The following TSPAN2 variants were observed in gnomAD, a reference collection of about 807,000 sequenced individuals.
TSPAN2 encodes the protein tetraspanin-2.
Under a neutral mutation model 33.3 loss-of-function variants are expected in TSPAN2, and 24 were observed. The ratio of observed to expected loss-of-function variants is 0.72; its 90% CI spans 0.52 to 1.01. TSPAN2 has a LOEUF of 1.01. Ranked by LOEUF, TSPAN2 falls within the 50% of genes least tolerant of loss-of-function variation. TSPAN2 has a pLI of 0.00. For missense variants in TSPAN2, 278 were observed against 281.3 expected (o/e 0.99, Z 0.08); for synonymous variants, 114 against 104.5 (o/e 1.09, Z -0.56).
intron 1 of TSPAN2, among the ~76,000 whole-genome samples, chr1:115,085,243 A>G (rs935126331): frequency 6.6e-6 from 1 of 152,218 alleles, no homozygotes; most frequent in African/African-American, 2.4e-5. Flanking sequence ...CCACGATAAG[A>G]GAAATTAATG....
At chr1:115,055,933 C>G (rs1243312843) in intron 6 of TSPAN2, among the ~76,000 whole-genome samples, 2 of 152,166 alleles carry the variant, frequency 1.3e-5, no homozygotes, top group Non-Finnish European at 2.9e-5. Flanking sequence ...ATGTAATGAG[C>G]ATGATTTGCA....
intron 1 of TSPAN2, among the ~76,000 whole-genome samples, chr1:115,075,154 A>G (rs918069253): frequency 1.3e-5 from 2 of 152,218 alleles, no homozygotes; most frequent in Admixed American, 1.3e-4. Flanking sequence ...CCTCCCAGAC[A>G]GAATACATTT....
At chr1:115,089,299 A>ACCCTGGCCCCGCGGCCCCCC in intron 1 of TSPAN2, 65 bp downstream of exon 1, 1 of 1,401,340 alleles carries the variant, frequency 7.1e-7, no homozygotes, top group Non-Finnish European at 9.6e-7. Flanking sequence ...CAGCTCGGGG[A>ACCCTGGCCCCGCGGCCCCCC]CCCCGGCCCC....
intron 1 of TSPAN2, among the ~76,000 whole-genome samples, chr1:115,081,311 A>G (rs1648614685): frequency 6.6e-6 from 1 of 152,146 alleles, no homozygotes; most frequent in Non-Finnish European, 1.5e-5. Context: ...AGTGACAGCA[A>G]CTTCCAATGC....
intron 2 of TSPAN2, 120 bp downstream of exon 2, chr1:115,072,785 C>T (rs1019358932): frequency 2.3e-5 from 19 of 831,236 alleles, no homozygotes; most frequent in Admixed American, 4.1e-5. Context: ...CTCCTTTCAG[C>T]GTCTTTCCCT....
chr1:115,057,762 G>A (rs1466550309), intron 5 of TSPAN2, among the ~76,000 whole-genome samples, 154 bp from the exon 6 acceptor site: 1 of 152,192 alleles, frequency 6.6e-6, no homozygotes, highest in Admixed American at 6.5e-5. Flanking sequence ...GGAGAGTGAA[G>A]AATCACATAA....
In TSPAN2 at chr1:115,050,574, T is replaced by C. The variant is rs1230738694; in HGVS notation, c.601-19A>G. 1 of 1,612,632 alleles carries C rather than the reference T, an allele frequency of 6.2e-7. No homozygotes were observed. Among genetic ancestry groups the C allele is most frequent in the Non-Finnish European group, 8.5e-7 (1 of 1,178,974 alleles). ...CAAAGATCTGAAACAGAAGAAACACTCATCAGTGACTTTGAAACGGGTACT... is the reference window on the plus strand; with the variant it reads ...CAAAGATCTGAAACAGAAGAAACACCCATCAGTGACTTTGAAACGGGTACT... On this transcript the variant is annotated intron_variant, in intron 7 of 7. Coordinates refer to ENST00000369516, the MANE Select transcript of TSPAN2 (RefSeq NM_005725.6).
chr1:115,052,927 C>G (rs1361159783), intron 7 of TSPAN2, among the ~76,000 whole-genome samples: 2 of 152,182 alleles, frequency 1.3e-5, no homozygotes, highest in African/African-American at 2.4e-5. Flanking sequence ...CCTGCGATCT[C>G]AGAGCTTGCA....
At chr1:115,088,563 A>G (rs898749236) in intron 1 of TSPAN2, among the ~76,000 whole-genome samples, 5 of 152,182 alleles carry the variant, frequency 3.3e-5, no homozygotes, top group African/African-American at 1.2e-4. Context: ...AATATAGGAG[A>G]CAAGGGTCAA....
rs575363368 is a variant in TSPAN2, at chr1:115,086,722, C to T, written c.69+2642G>A. On this transcript the variant is annotated intron_variant, in intron 1 of 7. Coordinates refer to ENST00000369516, the MANE Select transcript of TSPAN2 (RefSeq NM_005725.6). ...GTTCCATATCCACTGGTCTCGTTTC[C>T]TCAATGAGATGAGCAGCTTAGGGAA... 1.3e-3 allele frequency among the ~76,000 whole-genome samples: 194 copies of T among 152,268 alleles called. 2 individuals are homozygous for T. Among genetic ancestry groups the T allele is most frequent in the Non-Finnish European group, 2.8e-4 (19 of 68,026 alleles).
At chr1:115,085,896 T>G (rs778695137) in intron 1 of TSPAN2, among the ~76,000 whole-genome samples, 3 of 152,308 alleles carry the variant, frequency 2.0e-5, no homozygotes, top group South Asian at 2.1e-4. Flanking sequence ...TGCTAGGCAC[T>G]ATTCTAGCAC....
chr1:115,069,079 T>C (rs1038479746), intron 2 of TSPAN2, among the ~76,000 whole-genome samples: 7 of 152,300 alleles, frequency 4.6e-5, no homozygotes, highest in Non-Finnish European at 4.4e-5. Context: ...ACTTTGAGCA[T>C]GGATCGTGAG....
At chr1:115,088,402 T>C (rs1424751219) in intron 1 of TSPAN2, among the ~76,000 whole-genome samples, 2 of 152,176 alleles carry the variant, frequency 1.3e-5, no homozygotes, top group Admixed American at 6.5e-5. Flanking sequence ...AGGGTCTAGC[T>C]GAGCAGTTAC....
rs1675256283 is a variant in TSPAN2, at chr1:115,049,651, G to A, written c.*839C>T. On this transcript the variant is annotated 3_prime_UTR_variant, in exon 8 of 8. Transcript: ENST00000369516. ...CATAAAAGTCCCTTTGAGGATGTGA[G>A]GGTTGCAGTAGTTTACAGCAGGGTC... is the stretch of plus-strand genomic sequence containing the variant. The A allele has an allele frequency of 6.6e-6, 1 of 152,540 alleles. No homozygotes were observed. 9.4% of individuals were successfully genotyped at this position (152,540 alleles called of 1,614,324 possible).
At chr1:115,081,240 A>G (rs11102885) in intron 1 of TSPAN2, among the ~76,000 whole-genome samples, 18,363 of 152,230 alleles carry the variant, frequency 0.12, 1,241 homozygotes, top group East Asian at 0.21. Context: ...GCACTGGTCC[A>G]TTCACAGAAG....
chr1:115,080,138 G>A (rs574699801), intron 1 of TSPAN2, among the ~76,000 whole-genome samples: 8 of 152,316 alleles, frequency 5.3e-5, no homozygotes, highest in Non-Finnish European at 8.8e-5. Flanking sequence ...AAATGATAGA[G>A]CAGATAATTT....
intron 2 of TSPAN2, among the ~76,000 whole-genome samples, chr1:115,065,838 G>T (rs1249515410): frequency 6.6e-6 from 1 of 152,094 alleles, no homozygotes. Flanking sequence ...TAGAATACAA[G>T]AATTTCTTCC....
chr1:115,080,960 G>A (rs1648602930), intron 1 of TSPAN2, among the ~76,000 whole-genome samples: 1 of 152,034 alleles, frequency 6.6e-6, no homozygotes, highest in Admixed American at 6.5e-5. Flanking sequence ...ATAGTGGTTG[G>A]GAGAACTACT....
At chr1:115,053,545 A>G (rs1647272077) in intron 6 of TSPAN2, 83 bp from the exon 7 acceptor site, 4 of 1,167,956 alleles carry the variant, frequency 3.4e-6, no homozygotes, top group Middle Eastern at 1.9e-4. Flanking sequence ...CCATCTCTAC[A>G]GTTCATTCTG....
Sources: gnomAD v4.1 joint callset for allele counts (sites outside exome capture counted in the v4.1 genomes callset) on GRCh38, gnomAD v4.1.1 for gene constraint, MANE v1.5 for transcripts, NCBI Gene and HGNC (gene_info 2026-07-23, HGNC 2026-07-21) for gene names.